The following TTC39C variants were observed in gnomAD, a reference collection of about 807,000 sequenced individuals.
TTC39C encodes the protein tetratricopeptide repeat domain 39C, also known as tetratricopeptide repeat protein 39C.
TTC39C carries 33 observed loss-of-function variants against 76.3 expected under a neutral mutation model. That is an observed-to-expected ratio of 0.43 (90% CI 0.33 to 0.58). The LOEUF is 0.58. Ranked by LOEUF, TTC39C falls within the 20% of genes least tolerant of loss-of-function variation. TTC39C has a pLI of 0.04. For synonymous variants in TTC39C, 254 were observed against 260.6 expected (o/e 0.97, Z 0.24); for missense variants, 595 against 701.4 (o/e 0.85, Z 1.71).
intron 1 of TTC39C, among the ~76,000 whole-genome samples, chr18:24,025,021 G>A (rs143390000): frequency 2.6e-4 from 40 of 152,090 alleles, no homozygotes; most frequent in Admixed American, 7.9e-4. Context: ...GGTGCGTGCC[G>A]CCACACCCGG....
At chr18:24,040,119 TG>T (rs1399627844) in intron 1 of TTC39C, among the ~76,000 whole-genome samples, 65 of 152,356 alleles carry the variant, frequency 4.3e-4, no homozygotes, top group African/African-American at 1.4e-3. Flanking sequence ...ATTGGGACCG[TG>T]ATTGGGACCA....
At chr18:24,132,377 T>G (rs564200541) in intron 13 of TTC39C, 108 bp from the exon 14 acceptor site, 1 of 767,982 alleles carries the variant, frequency 1.3e-6, no homozygotes, top group Non-Finnish European at 2.0e-6. Flanking sequence ...TTACTGGGAG[T>G]GTAGAGATTT....
intron 6 of TTC39C, among the ~76,000 whole-genome samples, chr18:24,090,909 C>T (rs1258067493): frequency 6.8e-6 from 1 of 147,400 alleles, no homozygotes; most frequent in East Asian, 2.0e-4. Flanking sequence ...CAGGTTCAAG[C>T]GATTCTCATG....
chr18:24,084,035 T>G (rs73404252), intron 6 of TTC39C, among the ~76,000 whole-genome samples: 4,298 of 152,194 alleles, frequency 0.028, 100 homozygotes, highest in East Asian at 0.1. Context: ...TTTGTTTTTT[T>G]GGGGGTGGGG....
At chr18:24,095,424 C>T (rs532986930) in intron 6 of TTC39C, among the ~76,000 whole-genome samples, 3 of 152,302 alleles carry the variant, frequency 2.0e-5, no homozygotes, top group African/African-American at 4.8e-5. Flanking sequence ...TTCAGCTGGG[C>T]GCAGTGGTTC....
At chr18:24,048,441 CTT>C (rs542562999) in intron 1 of TTC39C, among the ~76,000 whole-genome samples, 4 of 152,076 alleles carry the variant, frequency 2.6e-5, no homozygotes, top group African/African-American at 9.7e-5. Context: ...TATGCCCTGC[CTT>C]TTTTTGCATT....
chr18:24,109,865 G>T (rs550809468), intron 6 of TTC39C, among the ~76,000 whole-genome samples: 2 of 151,982 alleles, frequency 1.3e-5, no homozygotes, highest in Non-Finnish European at 2.9e-5. Context: ...AATTAGCAGG[G>T]TCTGGTGGTG....
At chr18:24,124,462 T>C (rs2085020677) in intron 9 of TTC39C, among the ~76,000 whole-genome samples, 2 of 152,106 alleles carry the variant, frequency 1.3e-5, no homozygotes, top group South Asian at 2.1e-4. Flanking sequence ...ACATCACATT[T>C]TGATGTAATA....
chr18:24,114,679 TAAG>T (rs2084869285), intron 7 of TTC39C, 32 bp downstream of exon 7: 3 of 1,519,960 alleles, frequency 2.0e-6, no homozygotes, highest in Admixed American at 3.3e-5. Context: ...AGCCTCTTGT[TAAG>T]AAGTAGTATT....
chr18:24,025,961 T>C (rs1487310261), intron 1 of TTC39C, among the ~76,000 whole-genome samples: 1 of 152,010 alleles, frequency 6.6e-6, no homozygotes, highest in Non-Finnish European at 1.5e-5. Context: ...AGGTGTAGGG[T>C]CCCTTGAGAG....
At chr18:24,017,316 A>T (rs567212398) in intron 1 of TTC39C, among the ~76,000 whole-genome samples, 45 of 152,344 alleles carry the variant, frequency 3.0e-4, no homozygotes, top group African/African-American at 9.6e-4. Context: ...CCTGGGTTCC[A>T]GTCTTTTGCC....
At chr18:24,045,347 G>C (rs1017439102) in intron 1 of TTC39C, among the ~76,000 whole-genome samples, 4 of 151,954 alleles carry the variant, frequency 2.6e-5, no homozygotes, top group African/African-American at 9.7e-5. Context: ...AGGGGGCCAG[G>C]GGGGATTTGT....
chr18:24,130,832 A>G (rs753711221), intron 12 of TTC39C, among the ~76,000 whole-genome samples: 1 of 151,932 alleles, frequency 6.6e-6, no homozygotes, highest in Non-Finnish European at 1.5e-5. Context: ...CCGTAACACA[A>G]TGGTAAGTAT....
At chr18:24,051,457 A>T (rs2083948194) in intron 1 of TTC39C, among the ~76,000 whole-genome samples, 1 of 152,278 alleles carries the variant, frequency 6.6e-6, no homozygotes. Flanking sequence ...CCTGACCTGC[A>T]GGGACATCTG....
intron 4 of TTC39C, among the ~76,000 whole-genome samples, chr18:24,071,889 A>G (rs1479304397): frequency 6.6e-6 from 1 of 152,174 alleles, no homozygotes; most frequent in Non-Finnish European, 1.5e-5. Context: ...CTGAAGTCCT[A>G]TGATTTATTG....
At chr18:24,104,834 C>A (rs1436927202) in intron 6 of TTC39C, among the ~76,000 whole-genome samples, 1 of 151,874 alleles carries the variant, frequency 6.6e-6, no homozygotes, top group African/African-American at 2.4e-5. Flanking sequence ...TGGGAGCAGC[C>A]ATATTTATGG....
chr18:24,134,516 C>T lies in TTC39C; in HGVS notation c.*1942C>T, dbSNP rs1190807756. ...TGTCTCCATCTCCTGACCTCGTGAT[C>T]CACCCGCCTTGGCCTCCCAAAGAGC... On this transcript the variant is annotated 3_prime_UTR_variant, in exon 14 of 14. Transcript: ENST00000317571. 1 of 152,040 alleles carries T rather than the reference C, an allele frequency of 6.6e-6. No individual in the cohort carries two copies. The highest frequency in any genetic ancestry group is 6.6e-5 in the Admixed American group (1 of 15,266). 9.4% of individuals were successfully genotyped at this position (152,040 alleles called of 1,614,324 possible). A position where few individuals can be genotyped will look rare whatever the true frequency, so the allele number is the denominator to read the frequency against.
At chr18:24,073,995 A>C (rs1214489104) in intron 4 of TTC39C, among the ~76,000 whole-genome samples, 1 of 152,178 alleles carries the variant, frequency 6.6e-6, no homozygotes, top group Non-Finnish European at 1.5e-5. Flanking sequence ...ACATATGTTG[A>C]GCATTTCCTA....
intron 6 of TTC39C, among the ~76,000 whole-genome samples, chr18:24,112,883 T>C (rs2084833614): frequency 6.6e-6 from 1 of 152,222 alleles, no homozygotes; most frequent in African/African-American, 2.4e-5. Flanking sequence ...AGGGAAAAAT[T>C]AGACATAGGG....
Sources: allele counts gnomAD v4.1 joint callset (sites outside exome capture counted in the v4.1 genomes callset), GRCh38; gene constraint gnomAD v4.1.1; transcripts MANE v1.5; gene names NCBI Gene and HGNC (gene_info 2026-07-23, HGNC 2026-07-21).